TXNDC11: variants seen among roughly 807,000 people sequenced by gnomAD.
TXNDC11 encodes thioredoxin domain containing 11.
In TXNDC11, 68 loss-of-function variants were observed where a neutral mutation model predicts 78.0. The ratio of observed to expected loss-of-function variants is 0.87; its 90% CI spans 0.72 to 1.07. TXNDC11 has a LOEUF of 1.07. Ranked by LOEUF, TXNDC11 falls within the 50% of genes least tolerant of loss-of-function variation. The pLI is 0.00. For missense variants in TXNDC11, 1,389 were observed against 1,221.8 expected, an observed-to-expected ratio of 1.14 and a Z score of -2.04; for synonymous variants, 571 against 495.2, an observed-to-expected ratio of 1.15 and a Z score of -2.03.
intron 4 of TXNDC11, among the ~76,000 whole-genome samples, chr16:11,728,741 A>G (rs1308071149): frequency 2.0e-5 from 3 of 152,204 alleles, no homozygotes; most frequent in African/African-American, 7.2e-5. Flanking sequence ...AGCCGAGTTC[A>G]TGCCACCACA....
At chr16:11,701,379 T>G (rs1357664451) in intron 5 of TXNDC11, among the ~76,000 whole-genome samples, 1 of 151,952 alleles carries the variant, frequency 6.6e-6, no homozygotes, top group Non-Finnish European at 1.5e-5. Flanking sequence ...TCAAGTGATG[T>G]GCCTGCCTCT....
At chr16:11,700,820 G>C (rs1296900759) in intron 5 of TXNDC11, among the ~76,000 whole-genome samples, 3 of 152,204 alleles carry the variant, frequency 2.0e-5, no homozygotes, top group Non-Finnish European at 4.4e-5. Context: ...GGAGTCCCCT[G>C]TGTCCACCTA....
chr16:11,738,900 A>G (rs1464039405), intron 1 of TXNDC11, among the ~76,000 whole-genome samples: 2 of 152,048 alleles, frequency 1.3e-5, no homozygotes, highest in Non-Finnish European at 2.9e-5. Context: ...GGTGGTGCAC[A>G]CCTGTAATCC....
chr16:11,684,620 T>C (rs1329706098), intron 10 of TXNDC11, among the ~76,000 whole-genome samples: 3 of 152,200 alleles, frequency 2.0e-5, no homozygotes, highest in Non-Finnish European at 4.4e-5. Flanking sequence ...ATCAAGCCCC[T>C]CTGAAGATGG....
intron 5 of TXNDC11, among the ~76,000 whole-genome samples, chr16:11,701,862 G>T (rs1243219385): frequency 1.3e-5 from 2 of 152,146 alleles, no homozygotes; most frequent in Admixed American, 1.3e-4. Flanking sequence ...CCGACTACAA[G>T]AATGGACACA....
chr16:11,708,135 T>A (rs1364744015), intron 5 of TXNDC11, among the ~76,000 whole-genome samples: 1 of 152,194 alleles, frequency 6.6e-6, no homozygotes, highest in African/African-American at 2.4e-5. Context: ...TGGTTCATAT[T>A]GTATTTCCAT....
chr16:11,699,910 C>T (rs1375501486), intron 6 of TXNDC11, among the ~76,000 whole-genome samples: 1 of 152,232 alleles, frequency 6.6e-6, no homozygotes. Flanking sequence ...CAGCTGAGTT[C>T]AGGCTGCTCC....
intron 10 of TXNDC11, among the ~76,000 whole-genome samples, chr16:11,685,009 G>C (rs570440612): frequency 1.3e-5 from 2 of 152,258 alleles, no homozygotes; most frequent in Non-Finnish European, 2.9e-5. Flanking sequence ...TAACTGGGGG[G>C]AGTGAGGGTG....
At chr16:11,724,579 C>T (rs1188843940) in intron 4 of TXNDC11, among the ~76,000 whole-genome samples, 1 of 152,136 alleles carries the variant, frequency 6.6e-6, no homozygotes, top group Non-Finnish European at 1.5e-5. Flanking sequence ...GCCTGGGCAA[C>T]ATGGCAAGAC....
intron 5 of TXNDC11, among the ~76,000 whole-genome samples, chr16:11,708,630 G>A (rs2051251795): frequency 6.6e-6 from 1 of 152,190 alleles, no homozygotes; most frequent in South Asian, 2.1e-4. Context: ...GCTTATAAAG[G>A]TAACTGCTAA....
chr16:11,692,149 C>T lies in TXNDC11; in HGVS notation c.1108-67G>A. On this transcript the variant is annotated intron_variant, in intron 7 of 11. Coordinates refer to ENST00000283033, the MANE Select transcript of TXNDC11 (RefSeq NM_015914.7). Reference sequence around the variant, plus strand: ...TGAGGGACTAGCACCCCGTTAGCCACGTTTCACTTTCTGTAATTTCAGTTA... The same window carrying T: ...TGAGGGACTAGCACCCCGTTAGCCATGTTTCACTTTCTGTAATTTCAGTTA... The T allele has an allele frequency of 5.5e-6, 7 of 1,270,730 alleles. 1 individual carries two copies. Among genetic ancestry groups the T allele is most frequent in the Non-Finnish European group, 7.6e-6 (7 of 925,890 alleles). 78.7% of individuals were successfully genotyped at this position (1,270,730 alleles called of 1,614,324 possible).
chr16:11,736,286 T>C lies in TXNDC11; in HGVS notation c.255-53A>G, dbSNP rs570875054. 55 of 1,392,508 alleles carry C rather than the reference T, an allele frequency of 3.9e-5. No homozygotes were observed. In the Admixed American group the frequency reaches 4.7e-4, roughly 12 times the overall value. The allele number at this position is 1,392,508 out of a possible 1,614,324, so 86.3% of individuals were successfully genotyped here. On this transcript the variant is annotated intron_variant, in intron 1 of 11. Coordinates refer to ENST00000283033, the MANE Select transcript of TXNDC11 (RefSeq NM_015914.7). ...TGCTTAGTTTATCTTCTTCTAAAAA[T>C]AGCTCTGTGGAAGTAGAATGAAGCT... is the stretch of plus-strand genomic sequence containing the variant.
chr16:11,731,633 G>C (rs1444145531), intron 3 of TXNDC11, among the ~76,000 whole-genome samples: 1 of 151,886 alleles, frequency 6.6e-6, no homozygotes, highest in Non-Finnish European at 1.5e-5. Context: ...AGAGCCCAGT[G>C]AAGAATTTTA....
Position 11,692,451 on chromosome 16 carries a change from G to C in TXNDC11, c.1108-369C>G, listed in dbSNP as rs1419416978. Among the ~76,000 whole-genome samples the C allele has an allele frequency of 2.6e-5, 4 of 152,256 alleles. No homozygotes were observed. In the South Asian group the frequency reaches 6.2e-4, roughly 24 times the overall value. ...GAAGGGCCCCCAAAGTGTAAGGATA[G>C]TGATGCTGGCAATTCAGATATGCCA... On this transcript the variant is annotated intron_variant, in intron 7 of 11. Transcript: ENST00000283033.
At chr16:11,713,766 C>T in intron 5 of TXNDC11, among the ~76,000 whole-genome samples, 1 of 151,938 alleles carries the variant, frequency 6.6e-6, no homozygotes, top group Non-Finnish European at 1.5e-5. Context: ...TAGTCAGTAC[C>T]CAGAAGGGTC....
intron 5 of TXNDC11, among the ~76,000 whole-genome samples, chr16:11,703,405 C>A (rs550587177): frequency 4.6e-5 from 7 of 152,184 alleles, no homozygotes; most frequent in African/African-American, 1.7e-4. Context: ...CCAGGACTCT[C>A]ACTGTTGCAG....
intron 1 of TXNDC11, among the ~76,000 whole-genome samples, chr16:11,740,903 A>G (rs1362123551): frequency 6.6e-6 from 1 of 152,242 alleles, no homozygotes; most frequent in African/African-American, 2.4e-5. Context: ...TGCTTCATGG[A>G]AACAGTGGTT....
At chr16:11,730,588 C>G in intron 4 of TXNDC11, 57 bp downstream of exon 4, 2 of 1,567,442 alleles carry the variant, frequency 1.3e-6, no homozygotes, top group Middle Eastern at 1.7e-4. Context: ...ACAAACAATC[C>G]AATACAACCC....
rs1353737979 is a variant in TXNDC11 at position 11,742,751 on chromosome 16, C to T, written c.-21G>A. On this transcript the variant is annotated 5_prime_UTR_variant, in exon 1 of 12. Transcript: ENST00000283033. ...GACATTACATGCTCCCAGTCGCCGG[C>T]TTTATACCGCCGCCGCCGCCTCGGG... 1.4e-6 allele frequency: 2 copies of T among 1,443,336 alleles called. No homozygotes were observed. The highest frequency in any genetic ancestry group is 1.8e-6 in the Non-Finnish European group (2 of 1,107,496). 89.4% of individuals were successfully genotyped at this position (1,443,336 alleles called of 1,614,324 possible).
Sources: gnomAD v4.1 joint callset for allele counts (sites outside exome capture counted in the v4.1 genomes callset) on GRCh38, gnomAD v4.1.1 for gene constraint, MANE v1.5 for transcripts, NCBI Gene and HGNC (gene_info 2026-07-23, HGNC 2026-07-21) for gene names.